Variants in CCSER1 observed in about 807,000 individuals in gnomAD.
CCSER1 encodes serine-rich coiled-coil domain-containing protein 1.
In CCSER1, 41 loss-of-function variants were observed where a neutral mutation model predicts 82.0. The ratio of observed to expected loss-of-function variants is 0.50; its 90% CI spans 0.39 to 0.65. The LOEUF (loss-of-function observed/expected upper bound fraction) is 0.65. Ranked by LOEUF, CCSER1 falls within the 30% of genes least tolerant of loss-of-function variation. CCSER1 has a pLI of 0.00. For synonymous variants in CCSER1, 414 were observed against 383.9 expected (o/e 1.08, Z -0.92); for missense variants, 1,119 against 1,064.2 (o/e 1.05, Z -0.72).
intron 10 of CCSER1, among the ~76,000 whole-genome samples, chr4:91,356,201 C>A (rs541412965): frequency 7.2e-5 from 11 of 152,340 alleles, no homozygotes; most frequent in African/African-American, 2.6e-4. Context: ...GCCCTACAGT[C>A]TGGGTTAAAA....
intron 1 of CCSER1, among the ~76,000 whole-genome samples, chr4:90,231,719 A>G (rs1358383984): frequency 1.3e-5 from 2 of 152,186 alleles, no homozygotes; most frequent in African/African-American, 2.4e-5. Context: ...ATGTCTAGAA[A>G]ACTCCATTGT....
At chr4:91,306,306 A>G (rs1745068900) in intron 10 of CCSER1, among the ~76,000 whole-genome samples, 1 of 152,018 alleles carries the variant, frequency 6.6e-6, no homozygotes, top group African/African-American at 2.4e-5. Flanking sequence ...TGCTTGGATC[A>G]TATTTGAAGA....
At chr4:91,467,307 G>A (rs1578536433) in intron 10 of CCSER1, among the ~76,000 whole-genome samples, 1 of 152,150 alleles carries the variant, frequency 6.6e-6, no homozygotes, top group Admixed American at 6.6e-5. Context: ...TGTGTAGAAA[G>A]CTGAAACTGG....
At chr4:91,560,293 GAAAC>G (rs10583411) in intron 10 of CCSER1, among the ~76,000 whole-genome samples, 97,453 of 150,614 alleles carry the variant, frequency 0.65, 31,694 homozygotes, top group East Asian at 0.72. Flanking sequence ...CAGTTAAAAG[GAAAC>G]AAACACTTTT....
chr4:91,522,551 A>C (rs1357280120), intron 10 of CCSER1, among the ~76,000 whole-genome samples: 1 of 152,088 alleles, frequency 6.6e-6, no homozygotes, highest in Non-Finnish European at 1.5e-5. Flanking sequence ...TATTTCGTTG[A>C]GCAGTGGTTT....
intron 9 of CCSER1, among the ~76,000 whole-genome samples, chr4:91,027,080 A>G (rs1343429129): frequency 6.6e-6 from 1 of 152,122 alleles, no homozygotes; most frequent in Non-Finnish European, 1.5e-5. Flanking sequence ...AAGTGTTATT[A>G]GTAACTACCC....
At chr4:91,020,297 T>A in intron 9 of CCSER1, among the ~76,000 whole-genome samples, 1 of 152,322 alleles carries the variant, frequency 6.6e-6, no homozygotes, top group East Asian at 1.9e-4. Flanking sequence ...TCTTGAATGA[T>A]ATGTTGCCCT....
intron 9 of CCSER1, among the ~76,000 whole-genome samples, chr4:90,959,988 T>C (rs1733904902): frequency 6.6e-6 from 1 of 152,186 alleles, no homozygotes; most frequent in African/African-American, 2.4e-5. Context: ...GATTTGTCTA[T>C]GTCTGTCTCT....
intron 5 of CCSER1, among the ~76,000 whole-genome samples, chr4:90,537,401 G>A (rs1413866436): frequency 2.6e-5 from 4 of 151,594 alleles, no homozygotes; most frequent in Non-Finnish European, 5.9e-5. Flanking sequence ...TTTCTCATTT[G>A]GACATTTTAT....
At chr4:90,165,342 C>T (rs1307252811) in intron 1 of CCSER1, among the ~76,000 whole-genome samples, 1 of 152,008 alleles carries the variant, frequency 6.6e-6, no homozygotes, top group African/African-American at 2.4e-5. Context: ...TTTAATGTAA[C>T]TGCTGATTTG....
At position 91,189,344 on chromosome 4, in the gene CCSER1, T is replaced by C. The variant is rs374169405; in HGVS notation, c.2217+103350T>C. Among the ~76,000 whole-genome samples, 499 of 152,300 alleles carry C rather than the reference T, an allele frequency of 3.3e-3. 1 individual carries two copies. The highest frequency in any genetic ancestry group is 0.011 in the African/African-American group (472 of 41,564). ...TCTAAAAAATCAGGTTTAGAGTACA[T>C]GAATGTACTTATTTTGATGCTGGTG... On this transcript the variant is annotated intron_variant, in intron 10 of 10. Coordinates refer to ENST00000509176, the MANE Select transcript of CCSER1 (RefSeq NM_001145065.2).
intron 5 of CCSER1, among the ~76,000 whole-genome samples, chr4:90,491,027 C>G (rs1767926296): frequency 6.6e-6 from 1 of 152,090 alleles, no homozygotes; most frequent in Admixed American, 6.6e-5. Context: ...TCCATAGGAA[C>G]TTTAAAGTAG....
intron 8 of CCSER1, among the ~76,000 whole-genome samples, chr4:90,908,828 C>T (rs754338182): frequency 5.9e-5 from 9 of 152,036 alleles, no homozygotes; most frequent in Non-Finnish European, 1.3e-4. Context: ...TGTTACTCTG[C>T]TATTATTTAC....
chr4:90,622,174 A>T (rs891409990), intron 5 of CCSER1, among the ~76,000 whole-genome samples: 1 of 152,212 alleles, frequency 6.6e-6, no homozygotes, highest in Non-Finnish European at 1.5e-5. Context: ...TGTGATAAGC[A>T]TTAAAAATGA....
chr4:90,934,631 TA>T (rs1190461486), intron 9 of CCSER1, among the ~76,000 whole-genome samples: 11 of 152,108 alleles, frequency 7.2e-5, no homozygotes, highest in African/African-American at 2.7e-4. Context: ...AAGATGCTAT[TA>T]AAAATTGGGG....
chr4:90,899,768 T>A (rs968087742), intron 8 of CCSER1, among the ~76,000 whole-genome samples: 2 of 152,160 alleles, frequency 1.3e-5, no homozygotes, highest in African/African-American at 4.8e-5. Context: ...TTGCATATGT[T>A]GAACCATTGT....
chr4:91,298,916 C>T (rs71597240), intron 10 of CCSER1, among the ~76,000 whole-genome samples: 7,661 of 152,054 alleles, frequency 0.05, 281 homozygotes, highest in Non-Finnish European at 0.079. Flanking sequence ...CACAGTGGTT[C>T]TCTAAGTGTG....
chr4:90,900,380 A>G (rs1031120654), intron 8 of CCSER1, among the ~76,000 whole-genome samples: 3 of 151,938 alleles, frequency 2.0e-5, no homozygotes, highest in Non-Finnish European at 2.9e-5. Context: ...CTAGTGGTCT[A>G]TCAATTTTGT....
intron 8 of CCSER1, among the ~76,000 whole-genome samples, chr4:90,879,158 CA>C (rs1561293886): frequency 2.0e-5 from 3 of 152,102 alleles, no homozygotes; most frequent in East Asian, 1.9e-4. Flanking sequence ...TTCAGTTAAC[CA>C]GTCTTTAAGT....
Sources: gnomAD v4.1 joint callset for allele counts (sites outside exome capture counted in the v4.1 genomes callset) on GRCh38, gnomAD v4.1.1 for gene constraint, MANE v1.5 for transcripts, NCBI Gene and HGNC (gene_info 2026-07-23, HGNC 2026-07-21) for gene names.